Variants in PIGF observed in about 807,000 individuals in gnomAD.
PIGF encodes GPI ethanolamine phosphate transferase, stabilizing subunit.
PIGF carries 23 observed loss-of-function variants against 26.0 expected under a neutral mutation model. The ratio of observed to expected loss-of-function variants is 0.88; its 90% confidence interval spans 0.64 to 1.25. The LOEUF (loss-of-function observed/expected upper bound fraction) is 1.25, where lower values mean the gene tolerates loss of function less well. Ranked by LOEUF, PIGF falls within the 50% of genes most tolerant of loss-of-function variation. PIGF has a pLI of 0.00. For synonymous variants in PIGF, 93 were observed against 92.6 expected (o/e 1.00, Z -0.03); for missense variants, 278 against 249.9 (o/e 1.11, Z -0.76).
At chr2:46,610,384 C>G (rs1670372422) in intron 4 of PIGF, among the ~76,000 whole-genome samples, 1 of 152,080 alleles carries the variant, frequency 6.6e-6, no homozygotes, top group South Asian at 2.1e-4. Flanking sequence ...TTAAAAATTT[C>G]AAACTAAAAG....
intron 2 of PIGF, 131 bp downstream of exon 2, chr2:46,614,806 T>TG: frequency 1.7e-6 from 1 of 583,206 alleles, no homozygotes. Context: ...CCTACCAATT[T>TG]GGGGGGAAAA....
At chr2:46,616,895 G>A in intron 1 of PIGF, 75 bp downstream of exon 1, 1 of 382,246 alleles carries the variant, frequency 2.6e-6, no homozygotes, top group Non-Finnish European at 4.9e-6. Flanking sequence ...CCAAGGCTCA[G>A]GGCTGCTTCG....
chr2:46,610,216 G>A (rs569701192), intron 4 of PIGF, among the ~76,000 whole-genome samples: 5 of 152,136 alleles, frequency 3.3e-5, no homozygotes, highest in African/African-American at 9.6e-5. Context: ...TTTGTACAGC[G>A]TAGTGATTTT....
intron 4 of PIGF, among the ~76,000 whole-genome samples, chr2:46,596,145 C>G (rs1387031234): frequency 1.3e-5 from 2 of 148,428 alleles, no homozygotes; most frequent in Admixed American, 1.4e-4. Context: ...ACCCGGGAGG[C>G]GGAGGTTGTC....
intron 5 of PIGF, among the ~76,000 whole-genome samples, chr2:46,584,319 G>A (rs1368871330): frequency 6.6e-6 from 1 of 151,984 alleles, no homozygotes; most frequent in Non-Finnish European, 1.5e-5. Context: ...TATTTATGCT[G>A]AGAGTCTACT....
intron 3 of PIGF, among the ~76,000 whole-genome samples, 158 bp from the exon 4 acceptor site, chr2:46,612,502 C>A (rs1300136112): frequency 6.6e-6 from 1 of 151,978 alleles, no homozygotes; most frequent in Non-Finnish European, 1.5e-5. Context: ...ATAATTTTAC[C>A]ACCAACATGT....
chr2:46,610,525 C>A (rs1026577292), intron 4 of PIGF, among the ~76,000 whole-genome samples: 3 of 114,646 alleles, frequency 2.6e-5, no homozygotes, highest in Non-Finnish European at 1.7e-5. Flanking sequence ...AGTACTGATT[C>A]CTTTTTTTTT....
At chr2:46,611,742 C>T (rs916695526) in intron 4 of PIGF, among the ~76,000 whole-genome samples, 1 of 152,150 alleles carries the variant, frequency 6.6e-6, no homozygotes, top group African/African-American at 2.4e-5. Flanking sequence ...AATGAAATCT[C>T]ATAAAACTTG....
intron 5 of PIGF, among the ~76,000 whole-genome samples, chr2:46,583,652 A>G (rs969725669): frequency 6.6e-6 from 1 of 152,184 alleles, no homozygotes; most frequent in Admixed American, 6.5e-5. Context: ...ATTGATAAGC[A>G]GACTAGAGAA....
intron 4 of PIGF, among the ~76,000 whole-genome samples, chr2:46,609,508 C>T (rs967524340): frequency 6.6e-6 from 1 of 152,222 alleles, no homozygotes; most frequent in African/African-American, 2.4e-5. Context: ...GCACAAGGGG[C>T]TTCACTTTTA....
chr2:46,611,263 G>A (rs1018782742), intron 4 of PIGF, among the ~76,000 whole-genome samples: 2 of 151,964 alleles, frequency 1.3e-5, no homozygotes, highest in Admixed American at 6.6e-5. Context: ...CGAGGCGGGC[G>A]GATCATGAGG....
intron 4 of PIGF, among the ~76,000 whole-genome samples, chr2:46,604,830 A>T (rs1054027226): frequency 6.6e-6 from 1 of 151,976 alleles, no homozygotes; most frequent in Non-Finnish European, 1.5e-5. Context: ...TAATAATTTA[A>T]CTGTACATTT....
At chr2:46,591,926 C>G in intron 5 of PIGF, 1 of 1,303,716 alleles carries the variant, frequency 7.7e-7, no homozygotes, top group South Asian at 1.2e-5. Flanking sequence ...CTATCTGCTT[C>G]TAAAAATTTC....
intron 4 of PIGF, among the ~76,000 whole-genome samples, chr2:46,609,471 C>T (rs1572784280): frequency 6.6e-6 from 1 of 152,196 alleles, no homozygotes; most frequent in Non-Finnish European, 1.5e-5. Flanking sequence ...AAGAACTTTT[C>T]CTTTGCATTC....
Position 46,581,418 on chromosome 2 carries a change from T to C in PIGF, c.*60A>G. ...AAATGGAACTGCTTGGCTTTGACCA[T>C]ACACATTTCTGCCCAGCCCTTACAG... is the stretch of plus-strand genomic sequence containing the variant. On this transcript the variant is annotated 3_prime_UTR_variant, in exon 6 of 6. Transcript: ENST00000281382. 1 of 1,575,558 alleles carries C rather than the reference T, an allele frequency of 6.3e-7. No individual in the cohort carries two copies. The highest frequency in any genetic ancestry group is 1.1e-5 in the South Asian group (1 of 87,028).
chr2:46,613,837 T>A, intron 2 of PIGF, 52 bp from the exon 3 acceptor site: 1 of 1,431,574 alleles, frequency 7.0e-7, no homozygotes, highest in Non-Finnish European at 9.5e-7. Context: ...TAAAGGACAA[T>A]AAATTCTTCC....
intron 2 of PIGF, 79 bp downstream of exon 2, chr2:46,614,858 A>T (rs1251306795): frequency 8.8e-6 from 6 of 685,316 alleles, no homozygotes; most frequent in Non-Finnish European, 1.5e-5. Flanking sequence ...GCTAATAAAG[A>T]CTTGATGAAT....
intron 4 of PIGF, among the ~76,000 whole-genome samples, chr2:46,597,416 G>A (rs1308880566): frequency 1.3e-5 from 2 of 149,402 alleles, no homozygotes; most frequent in African/African-American, 4.9e-5. Flanking sequence ...GGGGTTTTTT[G>A]TTGTTTTTTT....
rs753784686 is a variant in PIGF at position 46,588,187 on chromosome 2, G to A, written c.546+4288C>T. The stretch of plus-strand genomic sequence containing the variant: ...TTTTCTTTCTACTGTCATCTGAAAT[G>A]TCAGACAGGATTGAAAATTATGTGA... On this transcript the variant is annotated intron_variant, in intron 5 of 5. Coordinates refer to ENST00000281382, the MANE Select transcript of PIGF (RefSeq NM_002643.4). The surrounding 1 kb of genome is among the most constrained non-coding windows in gnomAD (Gnocchi z 4.1). 6.8e-6 allele frequency: 11 copies of A among 1,611,292 alleles called. No homozygotes were observed. Among genetic ancestry groups the A allele is most frequent in the Non-Finnish European group, 6.8e-6 (8 of 1,178,812 alleles).
Sources: gnomAD v4.1 joint callset for allele counts (sites outside exome capture counted in the v4.1 genomes callset) on GRCh38, gnomAD v4.1.1 for gene constraint, Gnocchi (gnomAD v3.1) non-coding constraint, MANE v1.5 for transcripts, NCBI Gene and HGNC (gene_info 2026-07-23, HGNC 2026-07-21) for gene names.